The following SGCD variants were observed in gnomAD, a reference collection of about 807,000 sequenced individuals.
SGCD encodes the protein sarcoglycan delta, also known as delta-sarcoglycan.
In SGCD, 18 loss-of-function variants were observed where a neutral mutation model predicts 36.6. The ratio of observed to expected loss-of-function variants is 0.49; its 90% CI spans 0.34 to 0.73. SGCD has a LOEUF of 0.73. SGCD is among the 30% of genes least tolerant of loss of function. The probability of loss-of-function intolerance (pLI) is 0.01; values close to 1 mark genes in which losing one functional copy is unlikely to be tolerated. For synonymous variants in SGCD, 133 were observed against 130.6 expected, an observed-to-expected ratio of 1.02 and a Z score of -0.12; for missense variants, 387 against 346.7, an observed-to-expected ratio of 1.12 and a Z score of -0.92.
intron 1 of SGCD, among the ~76,000 whole-genome samples, chr5:156,023,751 T>C (rs888961991): frequency 6.6e-6 from 1 of 152,196 alleles, no homozygotes; most frequent in Non-Finnish European, 1.5e-5. Flanking sequence ...TTGTTCAAGA[T>C]GCACAGTAGC....
At chr5:156,125,576 T>C (rs32336) in intron 3 of SGCD, among the ~76,000 whole-genome samples, 45,254 of 151,864 alleles carry the variant, frequency 0.3, 7,350 homozygotes, top group Non-Finnish European at 0.36. Context: ...CATTCCTCCT[T>C]CTCTAGTCAG....
intron 6 of SGCD, among the ~76,000 whole-genome samples, chr5:156,637,068 G>A (rs534292604): frequency 6.6e-6 from 1 of 152,208 alleles, no homozygotes; most frequent in South Asian, 2.1e-4. Flanking sequence ...AGGGACCCAG[G>A]GGGAGGTAAT....
intron 4 of SGCD, among the ~76,000 whole-genome samples, chr5:156,568,447 C>T (rs1759585183): frequency 1.3e-5 from 2 of 151,992 alleles, no homozygotes; most frequent in Non-Finnish European, 1.5e-5. Flanking sequence ...CTACTCTTCC[C>T]CCCATTGAAA....
intron 3 of SGCD, among the ~76,000 whole-genome samples, chr5:156,145,318 G>A (rs908856359): frequency 6.6e-6 from 1 of 152,120 alleles, no homozygotes; most frequent in Non-Finnish European, 1.5e-5. Context: ...AGTTTGCTGA[G>A]GCCTCCGCAG....
At chr5:156,678,444 C>G (rs546734301) in intron 7 of SGCD, among the ~76,000 whole-genome samples, 3 of 151,956 alleles carry the variant, frequency 2.0e-5, no homozygotes, top group Non-Finnish European at 4.4e-5. Flanking sequence ...TACTACTGCA[C>G]CAAAAAAATC....
chr5:155,965,928 C>G (rs1407088236), intron 1 of SGCD, among the ~76,000 whole-genome samples: 1 of 152,026 alleles, frequency 6.6e-6, no homozygotes, highest in Non-Finnish European at 1.5e-5. Flanking sequence ...CACTACATCT[C>G]TTAGCTGAGT....
At chr5:155,844,126 A>T in the SGCD span, among the ~76,000 whole-genome samples, 2 of 150,224 alleles carry the variant, frequency 1.3e-5, no homozygotes, top group Non-Finnish European at 3.0e-5. Flanking sequence ...AAAAAAAAAC[A>T]ATCAGCTTGT....
intron 3 of SGCD, among the ~76,000 whole-genome samples, chr5:156,502,923 C>A (rs1328588912): frequency 6.6e-6 from 1 of 152,144 alleles, no homozygotes; most frequent in Non-Finnish European, 1.5e-5. Flanking sequence ...CAAAAATTCA[C>A]ACTATTTGAT....
intron 3 of SGCD, chr5:156,124,101 C>T (rs908458760): frequency 6.6e-5 from 10 of 152,166 alleles, no homozygotes; most frequent in African/African-American, 2.4e-4. Context: ...CCTTTCTCCT[C>T]CCCCTTTCCC....
At chr5:156,493,547 G>A (rs1756038698) in intron 3 of SGCD, among the ~76,000 whole-genome samples, 1 of 152,062 alleles carries the variant, frequency 6.6e-6, no homozygotes, top group Non-Finnish European at 1.5e-5. Flanking sequence ...CCCCAACTCT[G>A]GATATCTGAA....
the SGCD span, among the ~76,000 whole-genome samples, chr5:155,859,447 A>T: frequency 1.8e-3 from 268 of 152,252 alleles, 1 homozygote; most frequent in Non-Finnish European, 2.2e-3. Flanking sequence ...AGTTTTGATA[A>T]ATATATAGAA....
intron 1 of SGCD, among the ~76,000 whole-genome samples, chr5:156,019,928 C>A (rs1759063341): frequency 6.6e-6 from 1 of 152,188 alleles, no homozygotes; most frequent in Admixed American, 6.5e-5. Flanking sequence ...TCAGCTCCTG[C>A]TACTTATGCA....
At chr5:156,495,910 A>C (rs1012809545) in intron 3 of SGCD, among the ~76,000 whole-genome samples, 10 of 152,256 alleles carry the variant, frequency 6.6e-5, no homozygotes, top group African/African-American at 2.4e-4. Context: ...GGTTGCTTAC[A>C]AGTTTCTGTT....
At chr5:156,479,021 G>A (rs1755312822) in intron 3 of SGCD, among the ~76,000 whole-genome samples, 1 of 152,110 alleles carries the variant, frequency 6.6e-6, no homozygotes, top group Non-Finnish European at 1.5e-5. Context: ...GTTGGGAGGG[G>A]ATATATGTAT....
chr5:156,193,166 T>A (rs1025026145), intron 3 of SGCD, among the ~76,000 whole-genome samples: 15 of 152,140 alleles, frequency 9.9e-5, no homozygotes, highest in African/African-American at 3.4e-4. Flanking sequence ...AGTCAAAGGC[T>A]AATTCTTCAA....
intron 1 of SGCD, among the ~76,000 whole-genome samples, chr5:156,104,823 T>C (rs918825919): frequency 6.6e-6 from 1 of 152,246 alleles, no homozygotes; most frequent in Non-Finnish European, 1.5e-5. Flanking sequence ...TCTTAAACCT[T>C]GGTTCCTTCA....
At chr5:156,115,397 C>G (rs907907003) in intron 1 of SGCD, among the ~76,000 whole-genome samples, 1 of 151,906 alleles carries the variant, frequency 6.6e-6, no homozygotes, top group African/African-American at 2.4e-5. Context: ...ATCCTATCTA[C>G]CCATAAGCAA....
At chr5:156,073,259 C>G (rs750478683) in intron 1 of SGCD, among the ~76,000 whole-genome samples, 1 of 152,126 alleles carries the variant, frequency 6.6e-6, no homozygotes, top group Non-Finnish European at 1.5e-5. Context: ...GATTTCCCCT[C>G]TATTATATCA....
At chr5:156,002,853 A>G (rs1758690791) in intron 1 of SGCD, among the ~76,000 whole-genome samples, 1 of 152,266 alleles carries the variant, frequency 6.6e-6, no homozygotes, top group African/African-American at 2.4e-5. Context: ...AAACTGCCTT[A>G]GAACATGCAG....
Sources: allele counts gnomAD v4.1 joint callset (sites outside exome capture counted in the v4.1 genomes callset), GRCh38; gene constraint gnomAD v4.1.1; transcripts MANE v1.5; gene names NCBI Gene and HGNC (gene_info 2026-07-23, HGNC 2026-07-21).